MAN2A2: variants seen among roughly 807,000 people sequenced by gnomAD.
MAN2A2 encodes alpha-mannosidase 2x.
MAN2A2 carries 79 observed loss-of-function variants against 126.8 expected under a neutral mutation model. That is an observed-to-expected ratio of 0.62 (90% CI 0.52 to 0.75). MAN2A2 has a LOEUF of 0.75. MAN2A2 is among the 30% of genes least tolerant of loss of function. MAN2A2 has a pLI of 0.00. For missense variants in MAN2A2, 1,392 were observed against 1,522.4 expected (o/e 0.91, Z 1.43); for synonymous variants, 671 against 618.7 (o/e 1.08, Z -1.25).
Position 90,918,827 on chromosome 15 carries a change from G to T in MAN2A2, c.3300+72G>T, listed in dbSNP as rs980267175. 3.6e-6 allele frequency: 4 copies of T among 1,106,068 alleles called. No individual in the cohort carries two copies. The African/African-American group carries it at 6.2e-5, about 17-fold the overall frequency. 68.5% of individuals were successfully genotyped at this position (1,106,068 alleles called of 1,614,324 possible). ...CTTGGTAAGACTGGGCTGAGATTCG[G>T]TGACAGGCTGGGAGAAGAAAGTGTC... On this transcript the variant is annotated intron_variant, in intron 22 of 22. Coordinates refer to ENST00000559717, the MANE Select transcript of MAN2A2 (RefSeq NM_006122.4).
In MAN2A2 at chr15:90,920,588, GCT is replaced by G. The variant is rs1390255432; in HGVS notation, c.*804_*805del. ...TGCCTGAATTCTCTTTGGCTTCTGT[GCT>G]CTGTATGCTGCTGTCCCCAAGGGCT... On this transcript the variant is annotated 3_prime_UTR_variant, in exon 23 of 23. Transcript: ENST00000559717. 2 of 152,306 alleles carry G rather than the reference GCT, an allele frequency of 1.3e-5. No homozygotes were observed. The highest frequency in any genetic ancestry group is 1.5e-5 in the Non-Finnish European group (1 of 68,124). 9.4% of individuals were successfully genotyped at this position (152,306 alleles called of 1,614,324 possible).
Position 90,905,832 on chromosome 15 carries a change from A to C in MAN2A2, c.536-13A>C. ...TGGTGGCATCCTCAGGGGACCCTACATTGGCTCCCTAGGCTGGATCAAGAC... is the reference window on the plus strand; with the variant it reads ...TGGTGGCATCCTCAGGGGACCCTACCTTGGCTCCCTAGGCTGGATCAAGAC... On this transcript the variant is annotated splice_polypyrimidine_tract_variant and intron_variant, in intron 4 of 22. Coordinates refer to ENST00000559717, the MANE Select transcript of MAN2A2 (RefSeq NM_006122.4). 6.4e-7 allele frequency: 1 copy of C among 1,574,250 alleles called. No individual in the cohort carries two copies. Among genetic ancestry groups the C allele is most frequent in the Non-Finnish European group, 8.6e-7 (1 of 1,159,354 alleles).
At chr15:90,908,536 T>A (rs1338542870) in intron 8 of MAN2A2, among the ~76,000 whole-genome samples, 1 of 152,174 alleles carries the variant, frequency 6.6e-6, no homozygotes, top group African/African-American at 2.4e-5. Flanking sequence ...CTATTCTAAG[T>A]GTTTAACAAA....
rs766079861 is a variant in MAN2A2, at chr15:90,918,671, C to T, written c.3216C>T (p.Thr1072=). ...AGGACACCCTACCCTCGGCGGAGACCGCACTCATCTTACACCGCAAGGGTT... is the reference window on the plus strand; with the variant it reads ...AGGACACCCTACCCTCGGCGGAGACTGCACTCATCTTACACCGCAAGGGTT... The part of the protein sequence containing the change: ...AEEDTLPSAE[T]ALILHRKGFD... The change falls in exon 22 of 23, where the codon ACC becomes ACT. Residue 1072 remains threonine, a synonymous_variant. Coordinates refer to ENST00000559717, the MANE Select transcript of MAN2A2 (RefSeq NM_006122.4). 22 of 1,520,952 alleles carry T rather than the reference C, an allele frequency of 1.4e-5. No homozygotes were observed. The highest frequency in any genetic ancestry group is 4.5e-5 in the East Asian group (2 of 44,356). The allele number at this position is 1,520,952 out of a possible 1,614,324, so 94.2% of individuals were successfully genotyped here.
chr15:90,916,244 C>T lies in MAN2A2; in HGVS notation c.2982C>T (p.Thr994=), dbSNP rs373201763. ...TCCGCCTCCTGCTAGAGCGGCGAACCGTGGGCAGTGAGGTAACATCTGGGG... is the reference window on the plus strand; with the variant it reads ...TCCGCCTCCTGCTAGAGCGGCGAACTGTGGGCAGTGAGGTAACATCTGGGG... The part of the protein sequence containing the change: ...NRFRLLLERR[T]VGSEVQDSHS... The change falls in exon 20 of 23, where the codon ACC becomes ACT. Residue 994 remains threonine (T), a synonymous_variant. Transcript: ENST00000559717. 1.3e-5 allele frequency: 21 copies of T among 1,613,768 alleles called. No homozygotes were observed. The South Asian group carries it at 1.5e-4, about 12-fold the overall frequency.
At chr15:90,910,796 C>A in intron 11 of MAN2A2, 51 bp from the exon 12 acceptor site, 1 of 1,599,426 alleles carries the variant, frequency 6.3e-7, no homozygotes, top group Non-Finnish European at 8.6e-7. Flanking sequence ...ACAAGGCAGA[C>A]AGCTTCCCTA....
At chr15:90,910,754 G>C (rs1406944937) in intron 11 of MAN2A2, 71 bp downstream of exon 11, 2 of 1,602,866 alleles carry the variant, frequency 1.2e-6, no homozygotes, top group Admixed American at 1.7e-5. Context: ...TGGGTGGTCA[G>C]GGGGTAGGCC....
intron 10 of MAN2A2, 44 bp from the exon 11 acceptor site, chr15:90,910,457 T>C (rs1211604305): frequency 1.2e-6 from 2 of 1,607,632 alleles, no homozygotes; most frequent in Non-Finnish European, 1.7e-6. Context: ...GGGTGGGCCC[T>C]GGCTAGTGGT....
At chr15:90,916,287 A>C in intron 20 of MAN2A2, 31 bp downstream of exon 20, 1 of 1,605,814 alleles carries the variant, frequency 6.2e-7, no homozygotes, top group Non-Finnish European at 8.5e-7. Flanking sequence ...CCAGGGAGCC[A>C]GGTCTGGCTA....
At chr15:90,912,328 G>T in intron 15 of MAN2A2, 49 bp downstream of exon 15, 1 of 1,599,176 alleles carries the variant, frequency 6.3e-7, no homozygotes, top group Non-Finnish European at 8.6e-7. Context: ...AGTAGGGCGT[G>T]TGTGGTGGTG....
chr15:90,916,490 C>T, intron 20 of MAN2A2: 1 of 1,257,438 alleles, frequency 8.0e-7, no homozygotes, highest in South Asian at 1.3e-5. Flanking sequence ...GTTCGTCTCC[C>T]ACTTTCCTCT....
At chr15:90,916,735 C>T (rs756808415) in intron 20 of MAN2A2, 378 of 1,096,622 alleles carry the variant, frequency 3.4e-4, no homozygotes, top group South Asian at 3.9e-4. Context: ...TGACAGAGCC[C>T]GCCACTCAGT....
In MAN2A2 at chr15:90,912,994, G is replaced by C. The variant is rs1043245937; in HGVS notation, c.2584+3G>C. 6 of 1,611,530 alleles carry C rather than the reference G, an allele frequency of 3.7e-6. No homozygotes were observed. Among genetic ancestry groups the C allele is most frequent in the Non-Finnish European group, 4.2e-6 (5 of 1,177,864 alleles). On this transcript the variant is annotated splice_donor_region_variant and intron_variant, in intron 17 of 22. Coordinates refer to ENST00000559717, the MANE Select transcript of MAN2A2 (RefSeq NM_006122.4). The stretch of plus-strand genomic sequence containing the variant: ...GGTCCGGCTTTACAATCTGCCAGGT[G>C]AGCCCTGCATATGAGGAAGGGTCTG...
At chr15:90,914,617 T>C (rs1228228591) in intron 19 of MAN2A2, among the ~76,000 whole-genome samples, 4 of 152,204 alleles carry the variant, frequency 2.6e-5, no homozygotes. Flanking sequence ...CCTTCCGATT[T>C]GAAGCGATTC....
At chr15:90,902,449 CG>C (rs1029125607), upstream of MAN2A2, 95 of 152,414 alleles carry the variant, frequency 6.2e-4, no homozygotes, top group African/African-American at 2.2e-3. Context: ...GGTGAGGCCG[CG>C]GAGAACGCAC....
At chr15:90,906,297 C>A in intron 5 of MAN2A2, 73 bp from the exon 6 acceptor site, 1 of 1,589,776 alleles carries the variant, frequency 6.3e-7, no homozygotes, top group Non-Finnish European at 8.6e-7. Flanking sequence ...TGCACACAGG[C>A]CCTGACATTT....
Position 90,907,448 on chromosome 15 carries a change from T to C in MAN2A2, c.1149T>C (p.Pro383=), listed in dbSNP as rs2034388562. 34 of 1,613,650 alleles carry C rather than the reference T, an allele frequency of 2.1e-5. No homozygotes were observed. The highest frequency in any genetic ancestry group is 2.9e-5 in the Non-Finnish European group (34 of 1,180,028). The change falls in exon 8 of 23, where the codon CCT becomes CCC. Residue 383 remains proline, a synonymous_variant. Transcript: ENST00000559717. ...TGCCTGGTGGGCGCATCAACTGCCCTTGGAAGGTGCCACCCCGGGCCATCA... is the reference window on the plus strand; with the variant it reads ...TGCCTGGTGGGCGCATCAACTGCCCCTGGAAGGTGCCACCCCGGGCCATCA... ...KRLPGGRINC[P]WKVPPRAITE... is the part of the protein sequence containing the mutation.
Position 90,916,208 on chromosome 15 carries a change from C to A in MAN2A2, c.2946C>A (p.Thr982=). Residue 982 remains threonine, a synonymous_variant, in exon 20 of 23, where the codon ACC becomes ACA. Coordinates refer to ENST00000559717, the MANE Select transcript of MAN2A2 (RefSeq NM_006122.4). ...AAGGGCTCAAGGACAACAAGAGAAC[C>A]TGCAACCGTTTCCGCCTCCTGCTAG... is the stretch of plus-strand genomic sequence containing the variant. The part of the protein sequence containing the change: ...LGQGLKDNKR[T]CNRFRLLLER... 1 of 1,614,192 alleles carries A rather than the reference C, an allele frequency of 6.2e-7. No individual in the cohort carries two copies. Among genetic ancestry groups the A allele is most frequent in the Non-Finnish European group, 8.5e-7 (1 of 1,180,024 alleles).
Position 90,911,541 on chromosome 15 carries a change from C to T in MAN2A2, c.2100C>T (p.Asp700=), listed in dbSNP as rs556105653. 1.4e-5 allele frequency: 23 copies of T among 1,611,630 alleles called. No homozygotes were observed. Among genetic ancestry groups the T allele is most frequent in the South Asian group, 7.7e-5 (7 of 91,016 alleles). ...HWSSATEAVP[D]VYQVSVPVRL... Reference sequence around the variant, plus strand: ...GCTCTGCCACCGAGGCGGTCCCTGACGTCTACCAGGTGAGGTGTGGGCTTG... The same window carrying T: ...GCTCTGCCACCGAGGCGGTCCCTGATGTCTACCAGGTGAGGTGTGGGCTTG... Residue 700 remains aspartate (D), a synonymous_variant, in exon 14 of 23, where the codon GAC becomes GAT. Transcript: ENST00000559717.
Sources: allele counts gnomAD v4.1 joint callset (sites outside exome capture counted in the v4.1 genomes callset), GRCh38; gene constraint gnomAD v4.1.1; transcripts MANE v1.5; gene names NCBI Gene and HGNC (gene_info 2026-07-23, HGNC 2026-07-21).